FAAH2: variants seen among roughly 807,000 people sequenced by gnomAD.
FAAH2 encodes the protein fatty-acid amide hydrolase 2.
FAAH2 carries 60 observed loss-of-function variants against 36.9 expected under a neutral mutation model. The observed-to-expected ratio is 1.63, with a 90% CI of 1.32 to 2.02. The LOEUF (loss-of-function observed/expected upper bound fraction) is 2.02. FAAH2 is among the 30% of genes most tolerant of loss of function. The pLI is 0.00. For synonymous variants in FAAH2, 214 were observed against 143.8 expected (o/e 1.49, Z -3.49); for missense variants, 689 against 397.5 (o/e 1.73, Z -6.23).
intron 7 of FAAH2, among the ~76,000 whole-genome samples, chrX:57,383,885 A>G (rs2054930564): frequency 8.9e-6 from 1 of 111,856 alleles, no homozygotes; most frequent in Non-Finnish European, 1.9e-5. Context: ...AAACCAAAAG[A>G]ACAAAGCTGG....
At chrX:57,329,601 C>G (rs919156677) in intron 3 of FAAH2, among the ~76,000 whole-genome samples, 2 of 107,836 alleles carry the variant, frequency 1.9e-5, no homozygotes, top group African/African-American at 6.8e-5. Context: ...ATTATGTGTG[C>G]TGGTAGAGAA....
At chrX:57,277,177 TA>T in the FAAH2 span, among the ~76,000 whole-genome samples, 1 of 111,817 alleles carries the variant, frequency 8.9e-6, no homozygotes, top group Non-Finnish European at 1.9e-5. Flanking sequence ...ATATCCTCAG[TA>T]AAATACTGGC....
intron 7 of FAAH2, chrX:57,395,325 C>G (rs926392259): frequency 1.5e-6 from 1 of 665,754 alleles, no homozygotes; most frequent in Non-Finnish European, 2.4e-6. Flanking sequence ...AGGTACTTGT[C>G]CTTCAACTGA....
the FAAH2 span, among the ~76,000 whole-genome samples, chrX:57,250,603 C>A: frequency 9.1e-6 from 1 of 110,293 alleles, no homozygotes; most frequent in Admixed American, 9.7e-5. Flanking sequence ...TTTTAAGACA[C>A]CATGTTATAC....
chrX:57,191,065 C>G, the FAAH2 span, among the ~76,000 whole-genome samples: 1 of 111,712 alleles, frequency 9.0e-6, no homozygotes, highest in South Asian at 3.7e-4. Flanking sequence ...AATCTCCAAA[C>G]TGTTCTCCAT....
chrX:57,305,580 G>T (rs1256559752), intron 2 of FAAH2, among the ~76,000 whole-genome samples: 2 of 111,431 alleles, frequency 1.8e-5, no homozygotes, highest in Admixed American at 9.6e-5. Context: ...AAAGCCAAAG[G>T]ATATCTGTAA....
chrX:57,281,048 G>A, the FAAH2 span, among the ~76,000 whole-genome samples: 1 of 111,965 alleles, frequency 8.9e-6, no homozygotes, highest in Non-Finnish European at 1.9e-5. Flanking sequence ...CAGATTGGGG[G>A]TAGCTATGGA....
intron 7 of FAAH2, among the ~76,000 whole-genome samples, chrX:57,417,400 G>A: frequency 9.0e-6 from 1 of 111,704 alleles, no homozygotes; most frequent in East Asian, 2.8e-4. Flanking sequence ...GTGACCTTTG[G>A]ATGGGGTTTC....
At chrX:57,414,763 A>G (rs992388095) in intron 7 of FAAH2, among the ~76,000 whole-genome samples, 2 of 105,872 alleles carry the variant, frequency 1.9e-5, no homozygotes, top group African/African-American at 7.0e-5. Flanking sequence ...CTCTGTTTCT[A>G]TTGTTTGGAA....
At chrX:57,190,308 G>A in the FAAH2 span, among the ~76,000 whole-genome samples, 1 of 110,475 alleles carries the variant, frequency 9.1e-6, no homozygotes. Context: ...ATAATTTCAA[G>A]CCAGTGATTC....
the FAAH2 span, among the ~76,000 whole-genome samples, chrX:57,219,790 T>A: frequency 1.0e-5 from 1 of 96,454 alleles, no homozygotes. Flanking sequence ...AAAAAAACAG[T>A]CCTCTAGGCT....
intron 7 of FAAH2, among the ~76,000 whole-genome samples, chrX:57,416,872 G>A (rs1199061769): frequency 2.7e-5 from 3 of 112,062 alleles, no homozygotes; most frequent in East Asian, 2.8e-4. Flanking sequence ...CCAATCAAAC[G>A]TAGGTTTGGT....
intron 10 of FAAH2, among the ~76,000 whole-genome samples, chrX:57,464,138 C>T (rs1019239156): frequency 8.9e-6 from 1 of 111,763 alleles, no homozygotes; most frequent in African/African-American, 3.3e-5. Context: ...CCATAATCCT[C>T]AGCCAACTAA....
chrX:57,123,605 T>G, the FAAH2 span, among the ~76,000 whole-genome samples: 1 of 112,263 alleles, frequency 8.9e-6, no homozygotes, highest in Non-Finnish European at 1.9e-5. Flanking sequence ...TTCAACTAGT[T>G]TACAGTCCCA....
At chrX:57,470,079 C>A (rs1448248722) in intron 10 of FAAH2, among the ~76,000 whole-genome samples, 3 of 111,715 alleles carry the variant, frequency 2.7e-5, no homozygotes, top group Admixed American at 1.9e-4. Context: ...ACACCAGAAT[C>A]TCTGGGACAC....
At chrX:57,391,900 C>A (rs1022165054) in intron 7 of FAAH2, among the ~76,000 whole-genome samples, 1 of 110,313 alleles carries the variant, frequency 9.1e-6, no homozygotes, top group African/African-American at 3.3e-5. Context: ...CTGTAGATTG[C>A]TCTTGGCAGT....
At chrX:57,459,830 C>T (rs1303850658) in intron 10 of FAAH2, among the ~76,000 whole-genome samples, 1 of 111,585 alleles carries the variant, frequency 9.0e-6, no homozygotes, top group Non-Finnish European at 1.9e-5. Context: ...CTTACAAAAC[C>T]CCATCCAAAG....
chrX:57,323,563 T>C (rs1210548490), intron 3 of FAAH2, among the ~76,000 whole-genome samples: 1 of 112,026 alleles, frequency 8.9e-6, no homozygotes. Context: ...GTGGTTTTGA[T>C]TTGCATTTCT....
chrX:57,245,236 T>A, the FAAH2 span, among the ~76,000 whole-genome samples: 1 of 111,405 alleles, frequency 9.0e-6, no homozygotes, highest in Non-Finnish European at 1.9e-5. Context: ...TAAACCAAGT[T>A]CTTAGAGACC....
Sources: gnomAD v4.1 joint callset for allele counts (sites outside exome capture counted in the v4.1 genomes callset) on GRCh38, gnomAD v4.1.1 for gene constraint, MANE v1.5 for transcripts, NCBI Gene and HGNC (gene_info 2026-07-23, HGNC 2026-07-21) for gene names.